The following GRIN2B variants were observed in gnomAD, a reference collection of about 807,000 sequenced individuals.
The protein encoded by GRIN2B is glutamate receptor ionotropic, NMDA 2B.
GRIN2B carries 5 observed loss-of-function variants against 114.5 expected under a neutral mutation model. That is an observed-to-expected ratio of 0.04 (90% confidence interval 0.02 to 0.09). The LOEUF is 0.09. GRIN2B is among the 10% of genes least tolerant of loss of function. The probability of loss-of-function intolerance (pLI) is 1.00; values close to 1 mark genes in which losing one functional copy is unlikely to be tolerated. For missense variants in GRIN2B, 1,108 were observed against 1,943.5 expected, an observed-to-expected ratio of 0.57 and a Z score of 8.08; for synonymous variants, 787 against 745.1, an observed-to-expected ratio of 1.06 and a Z score of -0.92.
chr12:13,816,668 T>G (rs1252934740), intron 3 of GRIN2B, among the ~76,000 whole-genome samples: 32 of 152,004 alleles, frequency 2.1e-4, no homozygotes, highest in Non-Finnish European at 1.5e-5. Context: ...AACACCCACC[T>G]CCGTATCACA....
chr12:13,734,151 T>A (rs1424042746), intron 4 of GRIN2B, among the ~76,000 whole-genome samples: 1 of 152,196 alleles, frequency 6.6e-6, no homozygotes, highest in Non-Finnish European at 1.5e-5. Flanking sequence ...CATAGGTACT[T>A]AATCACATGA....
intron 2 of GRIN2B, among the ~76,000 whole-genome samples, chr12:13,943,228 T>C (rs181866469): frequency 1.3e-5 from 2 of 152,288 alleles, no homozygotes; most frequent in African/African-American, 2.4e-5. Context: ...TACTCCACCA[T>C]TTTAAGGATG....
At chr12:13,640,056 TGAGGAA>T (rs541377598) in intron 5 of GRIN2B, among the ~76,000 whole-genome samples, 10 of 152,036 alleles carry the variant, frequency 6.6e-5, no homozygotes, top group Admixed American at 1.3e-4. Context: ...TGCACTTCCT[TGAGGAA>T]GAGGGATACC....
At chr12:13,845,447 G>C (rs1245187169) in intron 3 of GRIN2B, among the ~76,000 whole-genome samples, 1 of 152,184 alleles carries the variant, frequency 6.6e-6, no homozygotes, top group Admixed American at 6.5e-5. Flanking sequence ...AGAGAGAAGA[G>C]ATAGCAATTC....
chr12:13,889,266 G>T (rs1238447506), intron 2 of GRIN2B, among the ~76,000 whole-genome samples: 1 of 152,100 alleles, frequency 6.6e-6, no homozygotes, highest in Non-Finnish European at 1.5e-5. Context: ...CAAATATGTG[G>T]TCCATTGTAC....
chr12:13,640,474 T>C (rs1277097510), intron 5 of GRIN2B, among the ~76,000 whole-genome samples: 2 of 152,118 alleles, frequency 1.3e-5, no homozygotes, highest in Non-Finnish European at 2.9e-5. Flanking sequence ...TTATTCCCCA[T>C]AGCTGTTGTC....
At chr12:13,663,141 G>A (rs1039747858) in intron 5 of GRIN2B, among the ~76,000 whole-genome samples, 7 of 152,066 alleles carry the variant, frequency 4.6e-5, no homozygotes, top group Non-Finnish European at 7.4e-5. Flanking sequence ...ACTGTGAAAC[G>A]CTATTCAGTT....
chr12:13,807,278 A>T (rs1261395780), intron 3 of GRIN2B, among the ~76,000 whole-genome samples: 1 of 152,058 alleles, frequency 6.6e-6, no homozygotes, highest in African/African-American at 2.4e-5. Flanking sequence ...CCGTGCTGTG[A>T]TTCTCCTGAT....
At chr12:13,918,762 T>C (rs1866773538) in intron 2 of GRIN2B, among the ~76,000 whole-genome samples, 1 of 152,230 alleles carries the variant, frequency 6.6e-6, no homozygotes. Context: ...TTGAGGTCTC[T>C]TTTTTATACA....
At position 13,542,411 on chromosome 12, in the gene GRIN2B, T is replaced by C. The variant is rs1337211554; in HGVS notation, c.*20372A>G. The C allele has an allele frequency of 6.6e-6, 1 of 152,214 alleles. No individual in the cohort carries two copies. Among genetic ancestry groups the C allele is most frequent in the Non-Finnish European group, 1.5e-5 (1 of 68,050 alleles). The allele number at this position is 152,214 out of a possible 1,614,324, so 9.4% of individuals were successfully genotyped here. On this transcript the variant is annotated 3_prime_UTR_variant, in exon 14 of 14. Transcript: ENST00000609686. ...GTCAAAATGTGGTCTCAATCCAGGA[T>C]AACATTTGTTGACATCTATAAAAAC...
At chr12:13,705,668 T>G (rs1950353331) in intron 4 of GRIN2B, among the ~76,000 whole-genome samples, 1 of 152,166 alleles carries the variant, frequency 6.6e-6, no homozygotes, top group East Asian at 1.9e-4. Context: ...TTGAAAGTCA[T>G]TGATGAGATC....
At chr12:13,930,806 C>G (rs1180950083) in intron 2 of GRIN2B, among the ~76,000 whole-genome samples, 1 of 152,024 alleles carries the variant, frequency 6.6e-6, no homozygotes, top group Non-Finnish European at 1.5e-5. Flanking sequence ...CCACCAGGTC[C>G]AGCACTTCAG....
In GRIN2B at chr12:13,563,655, C is replaced by G. The variant is rs1455731420; in HGVS notation, c.3583G>C (p.Ala1195Pro). ...TTGGTCAGGTTCTTCTCCCAAGGTG[C>G]AGGTACCCCGCTGACCACGCCGTGT... is the stretch of plus-strand genomic sequence containing the variant. ...DKHGVVSGVP[A>P]PWEKNLTNVE... is the part of the protein sequence containing the mutation. The change falls in exon 14 of 14, where the codon GCA becomes CCA. Residue 1195 changes from alanine (A) to proline (P), a missense_variant. Physicochemically the swap from Ala to Pro is conservative, Grantham distance 27. Coordinates refer to ENST00000609686, the MANE Select transcript of GRIN2B (RefSeq NM_000834.5). 6.2e-7 allele frequency: 1 copy of G among 1,613,742 alleles called. No homozygotes were observed. The highest frequency in any genetic ancestry group is 8.5e-7 in the Non-Finnish European group (1 of 1,180,026).
At position 13,863,452 on chromosome 12, in the gene GRIN2B, T is replaced by C. The variant is rs369351271; in HGVS notation, c.411+2346A>G. On this transcript the variant is annotated intron_variant, in intron 3 of 13. Transcript: ENST00000609686. ...CAAGAGAGTACACAGCCTTTGAAGC[T>C]AGCAACCAATGTTAAAATCCTGGCT... Among the ~76,000 whole-genome samples, 8 of 152,330 alleles carry C rather than the reference T, an allele frequency of 5.3e-5. 1 individual carries two copies. The highest frequency in any genetic ancestry group is 2.0e-4 in the Admixed American group (3 of 15,306).
chr12:13,943,815 A>G (rs1465675550), intron 2 of GRIN2B, among the ~76,000 whole-genome samples: 1 of 152,002 alleles, frequency 6.6e-6, no homozygotes, highest in East Asian at 1.9e-4. Flanking sequence ...CATTTTATTC[A>G]CAGTACTCAT....
In GRIN2B at chr12:13,598,608, T is replaced by G. The variant is rs75966785; in HGVS notation, c.2010+9995A>C. ...TACAGAAAAAAGAATTCCACAGCCTTCCAACAGCTACCCCACCCCCTCCAC... is the reference window on the plus strand; with the variant it reads ...TACAGAAAAAAGAATTCCACAGCCTGCCAACAGCTACCCCACCCCCTCCAC... On this transcript the variant is annotated intron_variant, in intron 10 of 13. Transcript: ENST00000609686. 2.0e-4 allele frequency among the ~76,000 whole-genome samples: 30 copies of G among 152,186 alleles called. 1 individual carries two copies. In the East Asian group the frequency reaches 5.8e-3, roughly 30 times the overall value.
At chr12:13,975,446 A>C (rs1032820201) in intron 2 of GRIN2B, among the ~76,000 whole-genome samples, 4 of 152,344 alleles carry the variant, frequency 2.6e-5, no homozygotes, top group Admixed American at 2.0e-4. Flanking sequence ...GGTGCTAAAG[A>C]AGTTATACAA....
intron 3 of GRIN2B, among the ~76,000 whole-genome samples, chr12:13,838,534 C>G (rs377699336): frequency 6.6e-6 from 1 of 152,168 alleles, no homozygotes; most frequent in Non-Finnish European, 1.5e-5. Flanking sequence ...CTGATTACAG[C>G]GCCAACCTTC....
At chr12:13,860,239 A>G (rs1264939363) in intron 3 of GRIN2B, among the ~76,000 whole-genome samples, 2 of 152,230 alleles carry the variant, frequency 1.3e-5, no homozygotes, top group Non-Finnish European at 2.9e-5. Flanking sequence ...CCATCTTCCT[A>G]TCCCCAATTA....
Sources: gnomAD v4.1 joint callset for allele counts (sites outside exome capture counted in the v4.1 genomes callset) on GRCh38, gnomAD v4.1.1 for gene constraint, MANE v1.5 for transcripts, NCBI Gene and HGNC (gene_info 2026-07-23, HGNC 2026-07-21) for gene names.